Variants in DMD observed in about 807,000 individuals in gnomAD.
DMD encodes the protein dystrophin.
In DMD, 63 loss-of-function variants were observed where a neutral mutation model predicts 330.1. That is an observed-to-expected ratio of 0.19 (90% confidence interval 0.16 to 0.24). The LOEUF (loss-of-function observed/expected upper bound fraction) is 0.24, where lower values mean the gene tolerates loss of function less well. Among genes scored for constraint, DMD ranks in the 10% least tolerant of loss-of-function variants. DMD has a pLI of 1.00. For missense variants in DMD, 3,344 were observed against 2,684.1 expected, an observed-to-expected ratio of 1.25 and a Z score of -5.43; for synonymous variants, 1,223 against 959.8, an observed-to-expected ratio of 1.27 and a Z score of -5.07.
intron 2 of DMD, among the ~76,000 whole-genome samples, chrX:32,851,932 G>A (rs2081171307): frequency 9.0e-6 from 1 of 111,635 alleles, no homozygotes; most frequent in South Asian, 3.9e-4. Flanking sequence ...ACCAGTGTGA[G>A]CTCAAGCACT....
At chrX:33,128,383 CGTGAATA>C (rs941437055) in intron 1 of DMD, 9 of 1,013,327 alleles carry the variant, frequency 8.9e-6, no homozygotes, top group Non-Finnish European at 1.1e-5. Flanking sequence ...CTCCGGTTGC[CGTGAATA>C]GTGAGGTGTT....
chrX:31,373,123 G>A (rs1389291522), intron 60 of DMD, among the ~76,000 whole-genome samples: 1 of 106,878 alleles, frequency 9.4e-6, no homozygotes, highest in Non-Finnish European at 1.9e-5. Context: ...GGATGTGAAG[G>A]ACCTCTTCAA....
intron 43 of DMD, among the ~76,000 whole-genome samples, chrX:32,233,350 T>A: frequency 9.0e-6 from 1 of 110,836 alleles, no homozygotes; most frequent in South Asian, 3.8e-4. Context: ...GGGAGCATAT[T>A]TTTCAACCAG....
chrX:31,652,456 C>T (rs1409161610), intron 54 of DMD, among the ~76,000 whole-genome samples: 1 of 111,647 alleles, frequency 9.0e-6, no homozygotes, highest in Non-Finnish European at 1.9e-5. Flanking sequence ...ATTACTGGGC[C>T]TACCTAGCAC....
intron 74 of DMD, among the ~76,000 whole-genome samples, chrX:31,155,422 A>T (rs2148022728): frequency 8.9e-6 from 1 of 112,553 alleles, no homozygotes; most frequent in South Asian, 3.7e-4. Flanking sequence ...GCATGAGCAC[A>T]CACAGGGATT....
At chrX:32,784,556 T>A (rs984241969) in intron 7 of DMD, among the ~76,000 whole-genome samples, 8 of 111,865 alleles carry the variant, frequency 7.2e-5, no homozygotes, top group African/African-American at 2.6e-4. Context: ...AAAATAGTGG[T>A]GGACTTTATC....
intron 9 of DMD, among the ~76,000 whole-genome samples, chrX:32,684,646 T>A (rs1005649162): frequency 1.8e-5 from 2 of 111,732 alleles, no homozygotes; most frequent in African/African-American, 6.5e-5. Flanking sequence ...TATCACTGTT[T>A]CAATCTGCCT....
intron 44 of DMD, among the ~76,000 whole-genome samples, chrX:32,084,753 T>C (rs912365276): frequency 9.0e-6 from 1 of 111,188 alleles, no homozygotes; most frequent in Non-Finnish European, 1.9e-5. Context: ...AGACCTGCTA[T>C]TGGGATTACG....
intron 60 of DMD, among the ~76,000 whole-genome samples, chrX:31,422,586 T>C (rs2063502395): frequency 8.9e-6 from 1 of 111,881 alleles, no homozygotes; most frequent in African/African-American, 3.2e-5. Flanking sequence ...AATGAATTTG[T>C]TGTCACTGAA....
chrX:32,610,095 T>C (rs1286063469), intron 12 of DMD, among the ~76,000 whole-genome samples: 11 of 111,522 alleles, frequency 9.9e-5, no homozygotes, highest in Non-Finnish European at 2.1e-4. Context: ...TTTCATTCTT[T>C]GTCAACATCA....
At chrX:31,153,072 G>A (rs1319293419) in intron 74 of DMD, among the ~76,000 whole-genome samples, 2 of 111,517 alleles carry the variant, frequency 1.8e-5, no homozygotes, top group Non-Finnish European at 3.8e-5. Context: ...ATACCCAGGG[G>A]CTTAGAGTTT....
chrX:33,123,635 C>T (rs188880853), intron 1 of DMD, among the ~76,000 whole-genome samples: 3,130 of 108,062 alleles, frequency 0.029, 128 homozygotes, highest in African/African-American at 0.1. Context: ...CCAGGCTGGT[C>T]TCAAACTCCT....
chrX:31,204,685 C>T (rs767039367), intron 66 of DMD, among the ~76,000 whole-genome samples: 1 of 111,961 alleles, frequency 8.9e-6, no homozygotes, highest in East Asian at 2.8e-4. Flanking sequence ...TGCAGTGGTG[C>T]GATCTCTGCT....
intron 4 of DMD, among the ~76,000 whole-genome samples, chrX:32,825,051 G>A (rs1456175758): frequency 8.9e-6 from 1 of 111,840 alleles, no homozygotes; most frequent in Non-Finnish European, 1.9e-5. Flanking sequence ...GCCAGGCAAT[G>A]AAGTAATAAG....
In DMD at chrX:32,593,409, C is replaced by T. The variant is rs1216319535; in HGVS notation, c.1602+2348G>A. Among the ~76,000 whole-genome samples the T allele has an allele frequency of 2.5e-4, 28 of 111,856 alleles. No individual in the cohort carries two copies. The Admixed American group carries it at 2.6e-3, about 10-fold the overall frequency. On this transcript the variant is annotated intron_variant, in intron 13 of 78. Coordinates refer to ENST00000357033, the MANE Select transcript of DMD (RefSeq NM_004006.3). ...TAACATTTGCTCATTTTTAAAAATA[C>T]TTTATTAATGTCTATTTTTATACTG...
At chrX:31,197,068 T>G (rs60540732) in intron 67 of DMD, among the ~76,000 whole-genome samples, 2,544 of 111,096 alleles carry the variant, frequency 0.023, 87 homozygotes, top group African/African-American at 0.079. Context: ...TAGCTAACAT[T>G]CACTGGGCAC....
intron 60 of DMD, among the ~76,000 whole-genome samples, chrX:31,443,467 C>T (rs1281251122): frequency 3.6e-5 from 4 of 111,309 alleles, no homozygotes; most frequent in Non-Finnish European, 7.5e-5. Context: ...TTGGCATGTT[C>T]GCTCCCGAGC....
At chrX:31,187,718 A>AGAGT (rs2041918253) in intron 67 of DMD, among the ~76,000 whole-genome samples, 1 of 2,581 alleles carries the variant, frequency 3.9e-4, no homozygotes, top group Non-Finnish European at 4.2e-3. Context: ...CCAGATTCTC[A>AGAGT]GAGAGAGAGA....
chrX:31,644,805 C>T (rs1005942721), intron 54 of DMD, among the ~76,000 whole-genome samples: 1 of 111,495 alleles, frequency 9.0e-6, no homozygotes, highest in Non-Finnish European at 1.9e-5. Context: ...AGACCAGGTC[C>T]GTCCACCAGG....
Sources: allele counts gnomAD v4.1 joint callset (sites outside exome capture counted in the v4.1 genomes callset), GRCh38; gene constraint gnomAD v4.1.1; transcripts MANE v1.5; gene names NCBI Gene and HGNC (gene_info 2026-07-23, HGNC 2026-07-21).